Variants in CADPS2 observed in about 807,000 individuals in gnomAD.
The protein encoded by CADPS2 is calcium dependent secretion activator 2.
CADPS2 carries 93 observed loss-of-function variants against 172.5 expected under a neutral mutation model. The ratio of observed to expected loss-of-function variants is 0.54; its 90% confidence interval spans 0.46 to 0.64. The LOEUF is 0.64. Among genes scored for constraint, CADPS2 ranks in the 30% least tolerant of loss-of-function variants. The pLI is 0.00. For synonymous variants in CADPS2, 546 were observed against 555.2 expected, an observed-to-expected ratio of 0.98 and a Z score of 0.23; for missense variants, 1,420 against 1,565.9, an observed-to-expected ratio of 0.91 and a Z score of 1.57.
chr7:122,690,097 A>G (rs1410176017), intron 2 of CADPS2, among the ~76,000 whole-genome samples: 1 of 152,210 alleles, frequency 6.6e-6, no homozygotes, highest in Non-Finnish European at 1.5e-5. Flanking sequence ...GACATTGGTC[A>G]CCTCAGTAAG....
At chr7:122,520,594 T>C (rs2060710650) in intron 8 of CADPS2, among the ~76,000 whole-genome samples, 1 of 152,048 alleles carries the variant, frequency 6.6e-6, no homozygotes, top group Non-Finnish European at 1.5e-5. Context: ...AGTAAAGACA[T>C]AGCTAATATT....
intron 24 of CADPS2, among the ~76,000 whole-genome samples, chr7:122,386,035 T>C (rs1235651578): frequency 6.6e-6 from 1 of 151,866 alleles, no homozygotes; most frequent in Non-Finnish European, 1.5e-5. Flanking sequence ...CTAAGAGGAG[T>C]TTATAAATTC....
intron 3 of CADPS2, among the ~76,000 whole-genome samples, chr7:122,649,444 G>T (rs953692993): frequency 6.6e-6 from 1 of 152,134 alleles, no homozygotes; most frequent in African/African-American, 2.4e-5. Flanking sequence ...TCCTCAGATG[G>T]GATGTCAGGC....
intron 6 of CADPS2, among the ~76,000 whole-genome samples, chr7:122,600,414 A>T (rs2072571852): frequency 6.6e-6 from 1 of 152,090 alleles, no homozygotes; most frequent in Admixed American, 6.6e-5. Context: ...AATGTTAATG[A>T]TGAAATTTTA....
chr7:122,497,588 G>A (rs1332098355), intron 9 of CADPS2, among the ~76,000 whole-genome samples: 6 of 151,798 alleles, frequency 4.0e-5, no homozygotes, highest in Non-Finnish European at 8.8e-5. Flanking sequence ...CCTTATTTTA[G>A]TAATGTTTAG....
At chr7:122,415,821 C>T (rs1295981712) in intron 18 of CADPS2, among the ~76,000 whole-genome samples, 1 of 152,182 alleles carries the variant, frequency 6.6e-6, no homozygotes, top group Non-Finnish European at 1.5e-5. Flanking sequence ...AAATTATACA[C>T]ACACACAATT....
chr7:122,747,154 A>C (rs548975113), intron 1 of CADPS2, among the ~76,000 whole-genome samples: 36 of 152,258 alleles, frequency 2.4e-4, no homozygotes, highest in African/African-American at 8.2e-4. Context: ...GAGAAATAGA[A>C]ACTTTAATGA....
At chr7:122,391,347 C>T (rs1379776994) in intron 22 of CADPS2, among the ~76,000 whole-genome samples, 1 of 151,832 alleles carries the variant, frequency 6.6e-6, no homozygotes, top group Non-Finnish European at 1.5e-5. Flanking sequence ...TAAAAAAGGG[C>T]CCTCAATAAG....
At chr7:122,564,465 T>C (rs950943528) in intron 7 of CADPS2, among the ~76,000 whole-genome samples, 1 of 152,032 alleles carries the variant, frequency 6.6e-6, no homozygotes, top group Non-Finnish European at 1.5e-5. Flanking sequence ...CACACCACCA[T>C]GCCTGGCTAA....
rs2051357856 is a variant in CADPS2 at position 122,441,556 on chromosome 7, G to A, written c.2308C>T (p.Arg770Ter). 3.3e-6 allele frequency: 5 copies of A among 1,536,582 alleles called. No individual in the cohort carries two copies. The highest frequency in any genetic ancestry group is 1.7e-4 in the Middle Eastern group (1 of 5,882). ...SHFRYCFPFGRPEGALKATLS... is the reference protein window; with the variant it reads ...SHFRYCFPFG ...GTAGCTTTTAGAGCACCTTCAGGTC[G>A]TCCAAAGGGAAAACAGTATCTTTAA... Residue 770 changes from arginine (R) to a stop codon, truncating the protein, a stop_gained, in exon 16 of 30, where the codon CGA becomes TGA. Transcript: ENST00000449022. LOFTEE classifies it high-confidence loss of function.
intron 1 of CADPS2, among the ~76,000 whole-genome samples, chr7:122,801,983 A>C (rs1022579398): frequency 1.3e-5 from 2 of 152,192 alleles, no homozygotes; most frequent in African/African-American, 4.8e-5. Flanking sequence ...AGTATTACTT[A>C]AAAATCTCTC....
chr7:122,554,621 A>AT lies in CADPS2; in HGVS notation c.1403dup (p.Asn468LysfsTer2). The AT allele has an allele frequency of 1.2e-6, 2 of 1,611,906 alleles. No individual in the cohort carries two copies. Among genetic ancestry groups the AT allele is most frequent in the Non-Finnish European group, 1.7e-6 (2 of 1,178,820 alleles). ...TGATTTTTAAGTCAGAATCCTGGCT[A>AT]TTTTTTGGAACTACCATTCGGTGTA... On this transcript the variant is annotated frameshift_variant, in exon 8 of 30. Transcript: ENST00000449022. LOFTEE classifies it high-confidence loss of function.
intron 2 of CADPS2, among the ~76,000 whole-genome samples, chr7:122,719,626 C>T (rs2090127613): frequency 6.6e-6 from 1 of 152,104 alleles, no homozygotes; most frequent in Admixed American, 6.6e-5. Flanking sequence ...GACTTAATAA[C>T]TTCTGTCCAT....
intron 19 of CADPS2, chr7:122,412,905 T>C (rs1248622842): frequency 1.3e-5 from 2 of 152,250 alleles, no homozygotes; most frequent in Admixed American, 6.5e-5. Context: ...CACCACGCTA[T>C]GCATCTACAT....
intron 1 of CADPS2, among the ~76,000 whole-genome samples, chr7:122,794,781 C>T (rs534791534): frequency 3.4e-5 from 5 of 148,046 alleles, no homozygotes; most frequent in East Asian, 2.0e-4. Flanking sequence ...TTTCTGACAA[C>T]AGCATAATCA....
Position 122,433,147 on chromosome 7 carries a change from C to CGTGTGTGT in CADPS2, c.2476+5186_2476+5193dup, listed in dbSNP as rs112891927. On this transcript the variant is annotated intron_variant, in intron 17 of 29. Coordinates refer to ENST00000449022, the MANE Select transcript of CADPS2 (RefSeq NM_017954.11). ...CGCTACTATACTTGGCTATTTGAGG[C>CGTGTGTGT]GTGTGTGTGTGTGTGTGGAGATGGG... Among the ~76,000 whole-genome samples, 526 of 148,954 alleles carry CGTGTGTGT rather than the reference C, an allele frequency of 3.5e-3. 3 individuals carry two copies. Among genetic ancestry groups the CGTGTGTGT allele is most frequent in the African/African-American group, 0.013 (509 of 40,708 alleles).
intron 1 of CADPS2, among the ~76,000 whole-genome samples, chr7:122,789,863 G>C (rs1340191478): frequency 6.6e-6 from 1 of 152,064 alleles, no homozygotes; most frequent in Middle Eastern, 3.4e-3. Flanking sequence ...TTAAACATAG[G>C]AGCAATGCTG....
chr7:122,827,401 A>AGGTGGGCGG (rs1805219477), intron 1 of CADPS2, among the ~76,000 whole-genome samples: 1 of 39,710 alleles, frequency 2.5e-5, no homozygotes, highest in Non-Finnish European at 4.6e-5. Context: ...TCACACATGT[A>AGGTGGGCGG]ATCCCAGCAC....
rs751883035 is a variant in CADPS2, at chr7:122,471,378, T to C, written c.2183A>G (p.Asn728Ser). The change falls in exon 14 of 30, where the codon AAC (asparagine) becomes AGC (serine). Residue 728 changes from asparagine to serine, a missense_variant. By Grantham distance (46) the Asn-to-Ser change is conservative. Coordinates refer to ENST00000449022, the MANE Select transcript of CADPS2 (RefSeq NM_017954.11). ...TTGTATTTGCAAGTAAAAATACCTGTTGCCGTGCACATGAGAGGCACAGAA... is the reference window on the plus strand; with the variant it reads ...TTGTATTTGCAAGTAAAAATACCTGCTGCCGTGCACATGAGAGGCACAGAA... ...FAFCASHVHG[N>S]RPDGIGTVSV... 6.2e-7 allele frequency: 1 copy of C among 1,609,448 alleles called. No individual in the cohort carries two copies. The highest frequency in any genetic ancestry group is 8.5e-7 in the Non-Finnish European group (1 of 1,177,672).
Sources: allele counts gnomAD v4.1 joint callset (sites outside exome capture counted in the v4.1 genomes callset), GRCh38; gene constraint gnomAD v4.1.1; transcripts MANE v1.5; gene names NCBI Gene and HGNC (gene_info 2026-07-23, HGNC 2026-07-21).